SDR16C5: variants seen among roughly 807,000 people sequenced by gnomAD.
SDR16C5 encodes short chain dehydrogenase/reductase family 16C member 5, also known as epidermal retinol dehydrogenase 2.
SDR16C5 carries 20 observed loss-of-function variants against 27.7 expected under a neutral mutation model. The observed-to-expected ratio is 0.72, with a 90% CI of 0.51 to 1.05. SDR16C5 has a LOEUF of 1.05. Ranked by LOEUF, SDR16C5 falls within the 50% of genes least tolerant of loss-of-function variation. The probability of loss-of-function intolerance (pLI) is 0.00; values close to 1 mark genes in which losing one functional copy is unlikely to be tolerated. For synonymous variants in SDR16C5, 139 were observed against 132.3 expected (o/e 1.05, Z -0.35); for missense variants, 374 against 366.3 (o/e 1.02, Z -0.17).
At chr8:56,318,229 T>C (rs539074227) in intron 1 of SDR16C5, among the ~76,000 whole-genome samples, 157 of 152,348 alleles carry the variant, frequency 1.0e-3, no homozygotes, top group African/African-American at 3.5e-3. Flanking sequence ...ATGTTTGCTC[T>C]AAGGAACATG....
chr8:56,319,762 G>A (rs1405987000), intron 1 of SDR16C5, among the ~76,000 whole-genome samples: 1 of 152,182 alleles, frequency 6.6e-6, no homozygotes, highest in Non-Finnish European at 1.5e-5. Flanking sequence ...GGTCCGGGGA[G>A]GCATCCTGCC....
At chr8:56,309,644 A>T in intron 3 of SDR16C5, 1 of 935,474 alleles carries the variant, frequency 1.1e-6, no homozygotes, top group Non-Finnish European at 1.3e-6. Flanking sequence ...CTTCTGCATC[A>T]AAGGAGTAAC....
intron 6 of SDR16C5, among the ~76,000 whole-genome samples, chr8:56,301,893 C>T (rs893622435): frequency 1.3e-5 from 2 of 152,104 alleles, no homozygotes; most frequent in Non-Finnish European, 2.9e-5. Flanking sequence ...GCTTTGGGGG[C>T]AGATGAGCCT....
Position 56,300,748 on chromosome 8 carries a change from A to G in SDR16C5, c.*732T>C, listed in dbSNP as rs1814730225. 1 of 152,216 alleles carries G rather than the reference A, an allele frequency of 6.6e-6. No homozygotes were observed. Among genetic ancestry groups the G allele is most frequent in the South Asian group, 2.1e-4 (1 of 4,832 alleles). The allele number at this position is 152,216 out of a possible 1,614,324, so 9.4% of individuals were successfully genotyped here. On this transcript the variant is annotated 3_prime_UTR_variant, in exon 7 of 7. Transcript: ENST00000303749. ...CTAACTTGGTATAATTTCATCTTCA[A>G]AGTAAGAAGCAACCACTCTTTGATC...
At position 56,316,782 on chromosome 8, in the gene SDR16C5, T is replaced by A. The variant is rs372496084; in HGVS notation, c.-14-421A>T. On this transcript the variant is annotated intron_variant, in intron 1 of 6. Transcript: ENST00000303749. The stretch of plus-strand genomic sequence containing the variant: ...CAATGTTTATAACATCATTACTACC[T>A]CTCTGGCTTTATGTTTCTCTCCTTT... Among the ~76,000 whole-genome samples the A allele has an allele frequency of 7.9e-5, 12 of 152,368 alleles. No homozygotes were observed. In the East Asian group the frequency reaches 2.1e-3, roughly 27 times the overall value.
At position 56,300,622 on chromosome 8, in the gene SDR16C5, C is replaced by T. The variant is rs964526640; in HGVS notation, c.*858G>A. The stretch of plus-strand genomic sequence containing the variant: ...TAAATGCATAAAATTGCCCATTCTG[C>T]AGGAAAATGCCTCAACCTGAATCCC... On this transcript the variant is annotated 3_prime_UTR_variant, in exon 7 of 7. Transcript: ENST00000303749. 1 of 152,194 alleles carries T rather than the reference C, an allele frequency of 6.6e-6. No homozygotes were observed. Among genetic ancestry groups the T allele is most frequent in the African/African-American group, 2.4e-5 (1 of 41,440 alleles). The allele number at this position is 152,194 out of a possible 1,614,324, so 9.4% of individuals were successfully genotyped here.
At chr8:56,307,551 CTA>C (rs1352719210) in intron 4 of SDR16C5, among the ~76,000 whole-genome samples, 15 of 152,224 alleles carry the variant, frequency 9.9e-5, no homozygotes, top group African/African-American at 3.4e-4. Context: ...TTTAAACTTG[CTA>C]TGTTACGGTG....
At chr8:56,306,624 A>G in intron 5 of SDR16C5, 52 bp downstream of exon 5, 1 of 1,464,598 alleles carries the variant, frequency 6.8e-7, no homozygotes, top group Non-Finnish European at 9.2e-7. Flanking sequence ...AAAATAAAAT[A>G]GCAAAACATT....
At chr8:56,302,451 G>A (rs1814781260) in intron 6 of SDR16C5, among the ~76,000 whole-genome samples, 1 of 152,148 alleles carries the variant, frequency 6.6e-6, no homozygotes, top group Non-Finnish European at 1.5e-5. Flanking sequence ...GAGGTGGGCA[G>A]ATCACAAGGT....
At chr8:56,301,642 A>T (rs1814758005) in intron 6 of SDR16C5, 69 bp from the exon 7 acceptor site, 1 of 1,142,852 alleles carries the variant, frequency 8.8e-7, no homozygotes, top group African/African-American at 1.5e-5. Context: ...CCTCTACTGA[A>T]AAGCAGTGTC....
chr8:56,306,685 C>A lies in SDR16C5; in HGVS notation c.701G>T (p.Cys234Phe). Reference protein sequence around the residue: ...FFIKTGMFEGCTTGCPSLLPI... With the variant: ...FFIKTGMFEGFTTGCPSLLPI... The stretch of plus-strand genomic sequence containing the variant: ...TAAAGGACATACTTACCCTGTAGTA[C>A]AACCTTCAAACATTCCAGTTTTTAT... Residue 234 changes from cysteine to phenylalanine, a missense_variant, in exon 5 of 7, where the codon TGT (cysteine) becomes TTT (phenylalanine). Coordinates refer to ENST00000303749, the MANE Select transcript of SDR16C5 (RefSeq NM_138969.4). The A allele has an allele frequency of 6.2e-7, 1 of 1,610,732 alleles. No individual in the cohort carries two copies. The highest frequency in any genetic ancestry group is 8.5e-7 in the Non-Finnish European group (1 of 1,178,986).
chr8:56,301,729 G>A (rs568048236), intron 6 of SDR16C5, among the ~76,000 whole-genome samples, 156 bp from the exon 7 acceptor site: 3 of 152,124 alleles, frequency 2.0e-5, no homozygotes, highest in Non-Finnish European at 4.4e-5. Flanking sequence ...AGGGTCACTG[G>A]GCCTTGTTCA....
Position 56,307,311 on chromosome 8 carries a change from G to A in SDR16C5, c.566-491C>T, listed in dbSNP as rs111812490. ...CCTTCACTTCCAGAAAAAAAAAAAG[G>A]GCTTGGTAGCTTCAACCTCCACCTC... is the stretch of plus-strand genomic sequence containing the variant. On this transcript the variant is annotated intron_variant, in intron 4 of 6. Coordinates refer to ENST00000303749, the MANE Select transcript of SDR16C5 (RefSeq NM_138969.4). Among the ~76,000 whole-genome samples, 700 of 152,090 alleles carry A rather than the reference G, an allele frequency of 4.6e-3. 5 individuals carry two copies. The highest frequency in any genetic ancestry group is 0.016 in the African/African-American group (659 of 41,510).
At chr8:56,308,874 G>T in intron 4 of SDR16C5, 54 bp downstream of exon 4, 1 of 1,214,888 alleles carries the variant, frequency 8.2e-7, no homozygotes, top group Non-Finnish European at 1.2e-6. Context: ...GAGCTATTGT[G>T]TAAGTTAAAG....
intron 3 of SDR16C5, among the ~76,000 whole-genome samples, chr8:56,310,033 G>A (rs371790724): frequency 6.6e-6 from 1 of 150,848 alleles, no homozygotes; most frequent in East Asian, 1.9e-4. Flanking sequence ...ACTGAAGGAA[G>A]AGGAGGAAGA....
chr8:56,306,657 A>C lies in SDR16C5; in HGVS notation c.710+19T>G. On this transcript the variant is annotated intron_variant, in intron 5 of 6. Coordinates refer to ENST00000303749, the MANE Select transcript of SDR16C5 (RefSeq NM_138969.4). Reference sequence around the variant, plus strand: ...ATTTTTAAGAGTGTAGATTCTTTGAAATTAAAGGACATACTTACCCTGTAG... The same window carrying C: ...ATTTTTAAGAGTGTAGATTCTTTGACATTAAAGGACATACTTACCCTGTAG... 1 of 1,559,190 alleles carries C rather than the reference A, an allele frequency of 6.4e-7. No individual in the cohort carries two copies. Among genetic ancestry groups the C allele is most frequent in the South Asian group, 1.2e-5 (1 of 82,612 alleles).
At chr8:56,314,742 A>C (rs549606298) in intron 2 of SDR16C5, among the ~76,000 whole-genome samples, 1 of 152,280 alleles carries the variant, frequency 6.6e-6, no homozygotes, top group African/African-American at 2.4e-5. Flanking sequence ...ACAAACTTGA[A>C]AGTCATAAAC....
At chr8:56,302,334 A>T (rs548009452) in intron 6 of SDR16C5, among the ~76,000 whole-genome samples, 1 of 152,178 alleles carries the variant, frequency 6.6e-6, no homozygotes, top group East Asian at 1.9e-4. Flanking sequence ...GTCAAGTACT[A>T]CCTTCTTTAT....
intron 4 of SDR16C5, among the ~76,000 whole-genome samples, chr8:56,308,165 C>T (rs149670436): frequency 2.6e-5 from 4 of 152,298 alleles, no homozygotes; most frequent in African/African-American, 9.6e-5. Context: ...TTGAACTACG[C>T]CACTTTGCTT....
Sources: allele counts gnomAD v4.1 joint callset (sites outside exome capture counted in the v4.1 genomes callset), GRCh38; gene constraint gnomAD v4.1.1; transcripts MANE v1.5; gene names NCBI Gene and HGNC (gene_info 2026-07-23, HGNC 2026-07-21).